PRDM10: variants seen among roughly 807,000 people sequenced by gnomAD.
PRDM10 encodes the protein PR/SET domain 10, also known as PR domain zinc finger protein 10.
A neutral mutation model predicts 133.1 loss-of-function variants in PRDM10; 65 were observed. That is an observed-to-expected ratio of 0.49 (90% CI 0.40 to 0.60). The LOEUF is 0.60. Among genes scored for constraint, PRDM10 ranks in the 20% least tolerant of loss-of-function variants. PRDM10 has a pLI of 0.00. For missense variants in PRDM10, 1,137 were observed against 1,507.1 expected (o/e 0.75, Z 4.07); for synonymous variants, 582 against 580.4 (o/e 1.00, Z -0.04).
At chr11:129,977,915 C>T (rs1052374324) in intron 1 of PRDM10, among the ~76,000 whole-genome samples, 2 of 151,634 alleles carry the variant, frequency 1.3e-5, no homozygotes, top group Non-Finnish European at 2.9e-5. Context: ...GCGGTGAGAT[C>T]GCACCACTGC....
At chr11:129,931,318 T>C in intron 10 of PRDM10, 60 bp from the exon 11 acceptor site, 1 of 1,539,034 alleles carries the variant, frequency 6.5e-7, no homozygotes, top group Non-Finnish European at 8.8e-7. Context: ...AGCTCAGATT[T>C]AGAATTGCTG....
intron 4 of PRDM10, among the ~76,000 whole-genome samples, chr11:129,951,668 G>A (rs536471205): frequency 2.7e-4 from 41 of 152,060 alleles, no homozygotes; most frequent in Non-Finnish European, 5.3e-4. Context: ...AACATGAAAC[G>A]ACCACGCTGG....
intron 13 of PRDM10, among the ~76,000 whole-genome samples, chr11:129,922,937 T>C (rs1950559134): frequency 6.6e-6 from 1 of 152,216 alleles, no homozygotes; most frequent in Non-Finnish European, 1.5e-5. Context: ...GAATGTTAAG[T>C]AAAGGTTTTG....
chr11:129,938,039 T>C (rs1035183427), intron 7 of PRDM10, among the ~76,000 whole-genome samples: 2 of 152,186 alleles, frequency 1.3e-5, no homozygotes, highest in Non-Finnish European at 2.9e-5. Flanking sequence ...AAACAGCCCT[T>C]ACTGGGGTCA....
At chr11:129,936,868 A>G (rs1951050206) in intron 8 of PRDM10, among the ~76,000 whole-genome samples, 1 of 152,164 alleles carries the variant, frequency 6.6e-6, no homozygotes, top group Non-Finnish European at 1.5e-5. Flanking sequence ...TCAGAATTGC[A>G]TTTCACAACC....
intron 1 of PRDM10, among the ~76,000 whole-genome samples, chr11:129,972,126 G>A (rs1411852195): frequency 6.6e-6 from 1 of 152,214 alleles, no homozygotes; most frequent in Non-Finnish European, 1.5e-5. Flanking sequence ...TGTGGGGCCC[G>A]CCAAGCCCAC....
Position 129,902,023 on chromosome 11 carries a change from G to A in PRDM10, c.*290C>T, listed in dbSNP as rs962187142. On this transcript the variant is annotated 3_prime_UTR_variant, in exon 21 of 21. Transcript: ENST00000360871. ...TTTCCACAAAGGAAAAGTAAGGCTC[G>A]TCAGTATGTTAAAAGACCAGCTCAA... 8 of 323,618 alleles carry A rather than the reference G, an allele frequency of 2.5e-5. No homozygotes were observed. The East Asian group carries it at 3.5e-4, about 14-fold the overall frequency. 20.0% of individuals were successfully genotyped at this position (323,618 alleles called of 1,614,324 possible). A position where few individuals can be genotyped will look rare whatever the true frequency, so the allele number is the denominator to read the frequency against.
intron 1 of PRDM10, among the ~76,000 whole-genome samples, chr11:129,978,102 A>G (rs1323154079): frequency 1.3e-5 from 2 of 152,136 alleles, no homozygotes; most frequent in Admixed American, 1.3e-4. Flanking sequence ...CGGTTAAGCC[A>G]TTATGGATGT....
At chr11:130,000,334 C>A (rs955780201) in intron 1 of PRDM10, among the ~76,000 whole-genome samples, 2 of 152,140 alleles carry the variant, frequency 1.3e-5, no homozygotes, top group African/African-American at 4.8e-5. Flanking sequence ...TGAGCCACAG[C>A]GCCCGGCTTA....
At chr11:129,997,959 T>C (rs941264511) in intron 1 of PRDM10, among the ~76,000 whole-genome samples, 5 of 152,016 alleles carry the variant, frequency 3.3e-5, no homozygotes, top group Non-Finnish European at 7.4e-5. Flanking sequence ...AAATATTACA[T>C]CTTAATGCCA....
At chr11:129,949,803 G>C (rs1361753378) in intron 4 of PRDM10, among the ~76,000 whole-genome samples, 1 of 151,916 alleles carries the variant, frequency 6.6e-6, no homozygotes, top group Non-Finnish European at 1.5e-5. Context: ...GCATGGTAGC[G>C]GGTGCCTGTA....
chr11:129,981,363 G>C (rs986206130), intron 1 of PRDM10, among the ~76,000 whole-genome samples: 1 of 152,106 alleles, frequency 6.6e-6, no homozygotes, highest in African/African-American at 2.4e-5. Context: ...CATTGCTGAC[G>C]TTTTAGTGTC....
chr11:129,971,070 C>A (rs537403032), intron 1 of PRDM10, among the ~76,000 whole-genome samples: 12 of 152,000 alleles, frequency 7.9e-5, no homozygotes. Context: ...TTCTGATGTT[C>A]AGATGTGTTT....
intron 1 of PRDM10, among the ~76,000 whole-genome samples, chr11:129,985,551 G>A (rs1338737286): frequency 1.3e-5 from 2 of 151,806 alleles, no homozygotes; most frequent in African/African-American, 2.4e-5. Flanking sequence ...CAGCACTTTG[G>A]GAGGCCGAAG....
At chr11:129,964,475 A>C (rs773102743) in intron 1 of PRDM10, among the ~76,000 whole-genome samples, 1 of 152,210 alleles carries the variant, frequency 6.6e-6, no homozygotes, top group Non-Finnish European at 1.5e-5. Flanking sequence ...TCCAAAAATT[A>C]TTTTGTGTGC....
At chr11:129,928,401 G>T (rs1950750377) in intron 11 of PRDM10, among the ~76,000 whole-genome samples, 1 of 147,516 alleles carries the variant, frequency 6.8e-6, no homozygotes, top group African/African-American at 2.5e-5. Flanking sequence ...TTTTGGGGGG[G>T]TTTTTTGAGA....
At chr11:129,931,728 A>G (rs985361603) in intron 10 of PRDM10, among the ~76,000 whole-genome samples, 18 of 151,904 alleles carry the variant, frequency 1.2e-4, no homozygotes, top group East Asian at 3.9e-4. Context: ...CACTGCACCC[A>G]GCTAATTTTT....
At chr11:129,994,854 C>T (rs570848815) in intron 1 of PRDM10, among the ~76,000 whole-genome samples, 35 of 152,154 alleles carry the variant, frequency 2.3e-4, no homozygotes, top group African/African-American at 8.4e-4. Flanking sequence ...AGGGCTTCAC[C>T]GCGTTAGCCA....
At position 129,925,137 on chromosome 11, in the gene PRDM10, C is replaced by T. The variant is rs758693823; in HGVS notation, c.1623G>A (p.Leu541=). 1.1e-5 allele frequency: 18 copies of T among 1,614,082 alleles called. No individual in the cohort carries two copies. In the Admixed American group the frequency reaches 2.8e-4, roughly 25 times the overall value. ...GCCCATGGAAGCGTAAGTGCTGGTCCAGTTTGTCCTTTTCCCGGAAGGCCT... is the reference window on the plus strand; with the variant it reads ...GCCCATGGAAGCGTAAGTGCTGGTCTAGTTTGTCCTTTTCCCGGAAGGCCT... ...CGKAFREKDK[L]DQHLRFHGRE... The change falls in exon 12 of 21, where the codon CTG becomes CTA. Residue 541 remains leucine (L), a synonymous_variant. Transcript: ENST00000360871.
Sources: allele counts gnomAD v4.1 joint callset (sites outside exome capture counted in the v4.1 genomes callset), GRCh38; gene constraint gnomAD v4.1.1; transcripts MANE v1.5; gene names NCBI Gene and HGNC (gene_info 2026-07-23, HGNC 2026-07-21).